The following TRABD2B variants were observed in gnomAD, a reference collection of about 807,000 sequenced individuals.
The protein encoded by TRABD2B is metalloprotease TIKI2.
Under a neutral mutation model 40.1 loss-of-function variants are expected in TRABD2B, and 14 were observed. That is an observed-to-expected ratio of 0.35 (90% confidence interval 0.23 to 0.55). TRABD2B has a LOEUF of 0.55. Among genes scored for constraint, TRABD2B ranks in the 20% least tolerant of loss-of-function variants. The pLI, the probability that TRABD2B is intolerant of heterozygous loss-of-function variation, is 0.90. For synonymous variants in TRABD2B, 263 were observed against 277.0 expected (o/e 0.95, Z 0.50); for missense variants, 541 against 648.6 (o/e 0.83, Z 1.80).
intron 2 of TRABD2B, among the ~76,000 whole-genome samples, chr1:47,854,618 A>G (rs1437025673): frequency 6.6e-6 from 1 of 152,156 alleles, no homozygotes; most frequent in Non-Finnish European, 1.5e-5. Context: ...TAATGACACT[A>G]ACGAAGTGCT....
intron 2 of TRABD2B, among the ~76,000 whole-genome samples, chr1:47,934,063 AAC>A (rs1645074371): frequency 6.6e-6 from 1 of 152,228 alleles, no homozygotes. Context: ...GATGTTATTA[AAC>A]ACTTAGTATG....
In TRABD2B at chr1:47,765,895, G is replaced by A; in HGVS notation, c.*7C>T. On this transcript the variant is annotated 3_prime_UTR_variant, in exon 7 of 7. Coordinates refer to ENST00000606738, the MANE Select transcript of TRABD2B (RefSeq NM_001194986.2). Reference sequence around the variant, plus strand: ...TTCTCTGGCTTCTCCACTTGGGGTGGCCGAGGTCAGGAGGGCCCAAGGCTA... The same window carrying A: ...TTCTCTGGCTTCTCCACTTGGGGTGACCGAGGTCAGGAGGGCCCAAGGCTA... The A allele has an allele frequency of 1.4e-6, 1 of 702,954 alleles. No homozygotes were observed. Among genetic ancestry groups the A allele is most frequent in the Non-Finnish European group, 2.6e-6 (1 of 384,950 alleles). The allele number at this position is 702,954 out of a possible 1,614,324, so 43.5% of individuals were successfully genotyped here.
intron 2 of TRABD2B, among the ~76,000 whole-genome samples, chr1:47,923,721 T>C (rs1199425876): frequency 1.3e-5 from 2 of 152,038 alleles, no homozygotes; most frequent in African/African-American, 4.8e-5. Context: ...ATCCAATCAG[T>C]TGAAGGCTTT....
intron 2 of TRABD2B, 95 bp downstream of exon 2, chr1:47,993,939 T>TGCCTCC: frequency 7.7e-7 from 1 of 1,294,868 alleles, no homozygotes; most frequent in Non-Finnish European, 1.0e-6. Context: ...TGACTCTGGC[T>TGCCTCC]GCCTCCCCCT....
At chr1:47,811,491 A>C (rs777578183) in intron 2 of TRABD2B, among the ~76,000 whole-genome samples, 22 of 152,238 alleles carry the variant, frequency 1.4e-4, no homozygotes, top group South Asian at 6.2e-4. Flanking sequence ...CTCCACCCAA[A>C]GACCACCCTT....
chr1:47,768,097 G>A (rs1644329373), intron 6 of TRABD2B, among the ~76,000 whole-genome samples: 1 of 152,186 alleles, frequency 6.6e-6, no homozygotes, highest in Admixed American at 6.5e-5. Flanking sequence ...ATTAAAGAGA[G>A]GGGTCCTCAC....
chr1:47,964,662 T>C (rs1645572366), intron 2 of TRABD2B, among the ~76,000 whole-genome samples: 1 of 152,180 alleles, frequency 6.6e-6, no homozygotes, highest in Non-Finnish European at 1.5e-5. Context: ...CTCTAGCAAT[T>C]TGTTTTTAAT....
intron 2 of TRABD2B, among the ~76,000 whole-genome samples, chr1:47,955,954 C>T (rs564458056): frequency 2.0e-5 from 3 of 152,194 alleles, no homozygotes; most frequent in Non-Finnish European, 4.4e-5. Context: ...TTGCTTGGCA[C>T]ATAGATGAAT....
At chr1:47,784,964 CA>C (rs1189679042) in intron 4 of TRABD2B, among the ~76,000 whole-genome samples, 1 of 152,156 alleles carries the variant, frequency 6.6e-6, no homozygotes, top group Non-Finnish European at 1.5e-5. Context: ...CATGCAGTGC[CA>C]GGGGCCATGG....
At chr1:47,910,017 G>A (rs1315681200) in intron 2 of TRABD2B, among the ~76,000 whole-genome samples, 2 of 151,088 alleles carry the variant, frequency 1.3e-5, no homozygotes, top group African/African-American at 4.9e-5. Context: ...GTGCCACCAC[G>A]CCTGGCTGAT....
rs35526313 is a variant in TRABD2B at position 47,869,904 on chromosome 1, A to AGG, written c.667-68287_667-68286dup. 1.5e-3 allele frequency among the ~76,000 whole-genome samples: 232 copies of AGG among 152,202 alleles called. 2 individuals carry two copies. The highest frequency in any genetic ancestry group is 6.5e-3 in the Admixed American group (100 of 15,284). On this transcript the variant is annotated intron_variant, in intron 2 of 6. Transcript: ENST00000606738. ...TATGGAAGGGGTATGAGGGTGGTGG[A>AGG]GGGGGAGATTCTCTGCAGACCTAAC... is the stretch of plus-strand genomic sequence containing the variant.
intron 2 of TRABD2B, among the ~76,000 whole-genome samples, chr1:47,886,173 C>T (rs551888398): frequency 6.6e-6 from 1 of 152,278 alleles, no homozygotes; most frequent in South Asian, 2.1e-4. Flanking sequence ...TTGTCTAACC[C>T]ATCAGTTCAA....
intron 2 of TRABD2B, among the ~76,000 whole-genome samples, chr1:47,926,870 C>T (rs1189433798): frequency 2.0e-5 from 3 of 152,170 alleles, no homozygotes; most frequent in Non-Finnish European, 2.9e-5. Flanking sequence ...CTTTGCTAAG[C>T]GCTGACTGTG....
intron 2 of TRABD2B, among the ~76,000 whole-genome samples, chr1:47,930,378 C>T (rs1206768737): frequency 2.0e-5 from 3 of 152,168 alleles, no homozygotes; most frequent in African/African-American, 7.2e-5. Flanking sequence ...GATCTGGATC[C>T]CTGAGGATAG....
chr1:47,782,433 C>T (rs988791400), intron 4 of TRABD2B, among the ~76,000 whole-genome samples: 1 of 152,218 alleles, frequency 6.6e-6, no homozygotes, highest in South Asian at 2.1e-4. Flanking sequence ...TCCCAACCCA[C>T]CTGAGGGGGA....
At chr1:47,920,882 G>T (rs1284634323) in intron 2 of TRABD2B, among the ~76,000 whole-genome samples, 1 of 152,158 alleles carries the variant, frequency 6.6e-6, no homozygotes, top group Non-Finnish European at 1.5e-5. Flanking sequence ...GCCTGGCAAG[G>T]GGAAGGGGCT....
intron 2 of TRABD2B, among the ~76,000 whole-genome samples, chr1:47,980,576 G>C (rs530425384): frequency 2.6e-5 from 4 of 152,312 alleles, no homozygotes; most frequent in Non-Finnish European, 5.9e-5. Flanking sequence ...ATTGAACAGA[G>C]ATTCCTCTAG....
At chr1:47,990,835 A>AT (rs1646000284) in intron 2 of TRABD2B, among the ~76,000 whole-genome samples, 1 of 95,512 alleles carries the variant, frequency 1.0e-5, no homozygotes, top group Non-Finnish European at 2.0e-5. Context: ...ATATATATAT[A>AT]AAACGTTGGT....
chr1:47,978,998 C>T (rs1645801180), intron 2 of TRABD2B, among the ~76,000 whole-genome samples: 1 of 152,082 alleles, frequency 6.6e-6, no homozygotes, highest in Admixed American at 6.5e-5. Context: ...GCCCTTAGGG[C>T]CCCTTTGGAA....
Sources: allele counts gnomAD v4.1 joint callset (sites outside exome capture counted in the v4.1 genomes callset), GRCh38; gene constraint gnomAD v4.1.1; transcripts MANE v1.5; gene names NCBI Gene and HGNC (gene_info 2026-07-23, HGNC 2026-07-21).